Variants in UBR3 observed in about 807,000 individuals in gnomAD.
UBR3 encodes E3 ubiquitin-protein ligase UBR3.
UBR3 carries 85 observed loss-of-function variants against 243.2 expected under a neutral mutation model. The ratio of observed to expected loss-of-function variants is 0.35; its 90% confidence interval spans 0.29 to 0.42. The LOEUF is 0.42. UBR3 is among the 10% of genes least tolerant of loss of function. The pLI, the probability that UBR3 is intolerant of heterozygous loss-of-function variation, is 1.00. For missense variants in UBR3, 1,686 were observed against 2,300.8 expected (o/e 0.73, Z 5.47); for synonymous variants, 748 against 799.8 (o/e 0.94, Z 1.09).
intron 20 of UBR3, among the ~76,000 whole-genome samples, chr2:169,945,576 A>T (rs2086757197): frequency 6.6e-6 from 1 of 152,080 alleles, no homozygotes; most frequent in Non-Finnish European, 1.5e-5. Flanking sequence ...TCTTCCTTTC[A>T]TCCTTTCCAT....
chr2:169,930,005 A>C (rs1302266620), intron 18 of UBR3, among the ~76,000 whole-genome samples: 1 of 152,208 alleles, frequency 6.6e-6, no homozygotes, highest in East Asian at 1.9e-4. Context: ...GTATTCCATT[A>C]AAAGAAAAGC....
At chr2:170,013,120 C>T (rs889665251) in intron 29 of UBR3, among the ~76,000 whole-genome samples, 5 of 152,040 alleles carry the variant, frequency 3.3e-5, no homozygotes, top group African/African-American at 4.8e-5. Context: ...GGAAAACTTC[C>T]ACTCCCAGCA....
intron 32 of UBR3, among the ~76,000 whole-genome samples, chr2:170,055,218 G>A (rs1317758814): frequency 6.6e-6 from 1 of 152,158 alleles, no homozygotes; most frequent in African/African-American, 2.4e-5. Flanking sequence ...AGGCTGAGAT[G>A]AGAGGATCGC....
chr2:169,982,783 G>GT (rs11305867), intron 24 of UBR3, among the ~76,000 whole-genome samples: 2 of 151,962 alleles, frequency 1.3e-5, no homozygotes. Context: ...GTTAGCAATT[G>GT]TTGTGTAACT....
At position 170,081,966 on chromosome 2, in the gene UBR3, A is replaced by T. The variant is rs931359109; in HGVS notation, c.*123A>T. The T allele has an allele frequency of 4.4e-6, 3 of 674,370 alleles. No individual in the cohort carries two copies. Among genetic ancestry groups the T allele is most frequent in the South Asian group, 4.4e-5 (1 of 22,538 alleles). 41.8% of individuals were successfully genotyped at this position (674,370 alleles called of 1,614,324 possible). On this transcript the variant is annotated 3_prime_UTR_variant, in exon 39 of 39. Transcript: ENST00000272793. ...GAGGGAGAAAAAGAAAACATACATTATGAAGCCTTTCCAAAATTAGGTGCT... is the reference window on the plus strand; with the variant it reads ...GAGGGAGAAAAAGAAAACATACATTTTGAAGCCTTTCCAAAATTAGGTGCT...
intron 35 of UBR3, 23 bp downstream of exon 35, chr2:170,061,466 G>C: frequency 6.6e-7 from 1 of 1,516,964 alleles, no homozygotes; most frequent in Non-Finnish European, 8.8e-7. Flanking sequence ...GGATATGTAA[G>C]AGGGAGCTTT....
chr2:169,890,581 G>GTGTATATATATATGTA (rs1553504582), intron 5 of UBR3, among the ~76,000 whole-genome samples: 4,320 of 96,074 alleles, frequency 0.045, 455 homozygotes, highest in East Asian at 0.16. Flanking sequence ...ATATATATAT[G>GTGTATATATATATGTA]TATATATATA....
intron 18 of UBR3, among the ~76,000 whole-genome samples, chr2:169,931,907 A>C (rs2086147223): frequency 6.6e-6 from 1 of 152,160 alleles, no homozygotes; most frequent in South Asian, 2.1e-4. Flanking sequence ...CTTAATACTT[A>C]AAATCATCTT....
chr2:169,969,202 C>A (rs1274177577), intron 24 of UBR3, among the ~76,000 whole-genome samples: 1 of 152,146 alleles, frequency 6.6e-6, no homozygotes, highest in East Asian at 1.9e-4. Flanking sequence ...TGATATAACC[C>A]CATTTATCTA....
At chr2:169,988,708 G>A (rs2089141387) in intron 25 of UBR3, among the ~76,000 whole-genome samples, 1 of 152,104 alleles carries the variant, frequency 6.6e-6, no homozygotes, top group African/African-American at 2.4e-5. Flanking sequence ...AGGCCAAGGT[G>A]GGAGGATTGC....
intron 1 of UBR3, among the ~76,000 whole-genome samples, chr2:169,850,171 C>CTT (rs56133731): frequency 3.2e-3 from 182 of 57,270 alleles, no homozygotes; most frequent in South Asian, 9.6e-3. Flanking sequence ...TGTTCTAGAG[C>CTT]TTTTTTTTTT....
In UBR3 at chr2:169,942,642, A is replaced by G; in HGVS notation, c.2805+8A>G. ...TTCACTCTGCTTTACAAGGTACAGT[A>G]GTAATTTGAATAGAAAGACTAAGCT... On this transcript the variant is annotated splice_region_variant and intron_variant, in intron 20 of 38. Coordinates refer to ENST00000272793, the MANE Select transcript of UBR3 (RefSeq NM_172070.4). The G allele has an allele frequency of 6.6e-7, 1 of 1,505,480 alleles. No individual in the cohort carries two copies. Among genetic ancestry groups the G allele is most frequent in the Non-Finnish European group, 8.8e-7 (1 of 1,131,540 alleles). 93.3% of individuals were successfully genotyped at this position (1,505,480 alleles called of 1,614,324 possible). A position where few individuals can be genotyped will look rare whatever the true frequency, so the allele number is the denominator to read the frequency against.
intron 29 of UBR3, among the ~76,000 whole-genome samples, chr2:170,010,927 C>A (rs550515069): frequency 2.0e-5 from 3 of 152,004 alleles, no homozygotes; most frequent in East Asian, 3.9e-4. Context: ...ACTTGAGAGA[C>A]CAAGGCAGGA....
Position 169,836,031 on chromosome 2 carries a change from CTCTCTCTCTCTCTATATA to C in UBR3, c.545+7981_545+7998del, listed in dbSNP as rs1214321392. Among the ~76,000 whole-genome samples, 165 of 25,168 alleles carry C rather than the reference CTCTCTCTCTCTCTATATA, an allele frequency of 6.6e-3. 8 individuals are homozygous for C. Among genetic ancestry groups the C allele is most frequent in the Non-Finnish European group, 8.5e-3 (117 of 13,720 alleles). 16.5% of individuals were successfully genotyped at this position (25,168 alleles called of 152,430 possible). A position where few individuals can be genotyped will look rare whatever the true frequency, so the allele number is the denominator to read the frequency against. The stretch of plus-strand genomic sequence containing the variant: ...TCTCTCTCTCTCTCTCTCTCTCTCT[CTCTCTCTCTCTCTATATA>C]TATATATATATATATATATTTTTTT... On this transcript the variant is annotated intron_variant, in intron 1 of 38. Transcript: ENST00000272793.
chr2:170,007,603 C>T (rs1260873214), intron 28 of UBR3, among the ~76,000 whole-genome samples: 2 of 152,082 alleles, frequency 1.3e-5, no homozygotes. Context: ...ACTAAAAATA[C>T]AAAAATTAGC....
chr2:170,070,971 A>T (rs938260176), intron 35 of UBR3, among the ~76,000 whole-genome samples: 2 of 152,150 alleles, frequency 1.3e-5, no homozygotes, highest in African/African-American at 4.8e-5. Context: ...ACTTGAATAG[A>T]TACTTCTTAA....
intron 8 of UBR3, among the ~76,000 whole-genome samples, chr2:169,904,764 T>A (rs1423263197): frequency 6.6e-6 from 1 of 152,172 alleles, no homozygotes; most frequent in East Asian, 1.9e-4. Flanking sequence ...CAGAAAATAC[T>A]GCATTATATC....
chr2:169,857,149 C>T lies in UBR3; in HGVS notation c.546-15087C>T, dbSNP rs1225438126. On this transcript the variant is annotated intron_variant, in intron 1 of 38. Transcript: ENST00000272793. ...AGTGCAGTGGTGCGATCTAGGCTCACTGTAACCTCTGCCTCCTGGGTTTGA... is the reference window on the plus strand; with the variant it reads ...AGTGCAGTGGTGCGATCTAGGCTCATTGTAACCTCTGCCTCCTGGGTTTGA... 2.4e-5 allele frequency among the ~76,000 whole-genome samples: 3 copies of T among 124,958 alleles called. No individual in the cohort carries two copies. The East Asian group carries it at 8.6e-4, about 36-fold the overall frequency. 82.0% of individuals were successfully genotyped at this position (124,958 alleles called of 152,430 possible).
chr2:169,927,376 G>T lies in UBR3; in HGVS notation c.2395G>T (p.Asp799Tyr). 3 of 1,550,782 alleles carry T rather than the reference G, an allele frequency of 1.9e-6. No homozygotes were observed. The highest frequency in any genetic ancestry group is 2.6e-6 in the Non-Finnish European group (3 of 1,146,568). ...GATGGTAGCCCAGCTGTGTATGAAT[G>T]ACAGGACACACAGTTCATTGCTGGA... ...AEMVAQLCMN[D>Y]RTHSSLLDLI... Residue 799 changes from aspartate to tyrosine, a missense_variant, in exon 17 of 39, where the codon GAC (aspartate) becomes TAC (tyrosine). Asp to Tyr is a radical substitution (Grantham distance 160). Transcript: ENST00000272793.
Sources: gnomAD v4.1 joint callset for allele counts (sites outside exome capture counted in the v4.1 genomes callset) on GRCh38, gnomAD v4.1.1 for gene constraint, MANE v1.5 for transcripts, NCBI Gene and HGNC (gene_info 2026-07-23, HGNC 2026-07-21) for gene names.